ZFHX3: variants seen among roughly 807,000 people sequenced by gnomAD.
ZFHX3 encodes the protein zinc finger homeobox 3.
In ZFHX3, 42 loss-of-function variants were observed where a neutral mutation model predicts 279.1. The observed-to-expected ratio is 0.15, with a 90% CI of 0.12 to 0.19. The LOEUF is 0.19. ZFHX3 is among the 10% of genes least tolerant of loss of function. The pLI is 1.00. For synonymous variants in ZFHX3, 2,293 were observed against 1,957.8 expected (o/e 1.17, Z -4.52); for missense variants, 4,981 against 4,754.0 (o/e 1.05, Z -1.40).
chr16:73,270,858 A>C, intron 4 of ZFHX3, among the ~76,000 whole-genome samples: 1 of 151,960 alleles, frequency 6.6e-6, no homozygotes, highest in East Asian at 1.9e-4. Flanking sequence ...AGAGTGTTCT[A>C]GGTATGGAGG....
At chr16:73,591,085 C>T (rs1455320374) in intron 2 of ZFHX3, among the ~76,000 whole-genome samples, 1 of 152,102 alleles carries the variant, frequency 6.6e-6, no homozygotes, top group African/African-American at 2.4e-5. Flanking sequence ...CAAGTGTGTG[C>T]CTCATGCCCG....
chr16:73,629,428 A>G (rs1284877368), intron 2 of ZFHX3, among the ~76,000 whole-genome samples: 1 of 152,116 alleles, frequency 6.6e-6, no homozygotes, highest in Non-Finnish European at 1.5e-5. Context: ...TATGATTCAT[A>G]TTACAAGCAA....
chr16:73,816,570 T>C (rs1960577828), intron 1 of ZFHX3, among the ~76,000 whole-genome samples: 1 of 152,168 alleles, frequency 6.6e-6, no homozygotes, highest in Non-Finnish European at 1.5e-5. Flanking sequence ...CTATCTGGCC[T>C]TGTACAGAAA....
intron 1 of ZFHX3, among the ~76,000 whole-genome samples, chr16:73,037,270 T>C (rs1423105803): frequency 6.6e-6 from 1 of 152,206 alleles, no homozygotes; most frequent in African/African-American, 2.4e-5. Flanking sequence ...TTCAAATGCA[T>C]CCATGAAATT....
chr16:73,572,475 G>T (rs1170091949), intron 2 of ZFHX3, among the ~76,000 whole-genome samples: 2 of 152,194 alleles, frequency 1.3e-5, no homozygotes, highest in African/African-American at 2.4e-5. Flanking sequence ...TTCAACCTGA[G>T]CACTTTTTAG....
chr16:73,175,452 A>C (rs1430137218), intron 5 of ZFHX3, among the ~76,000 whole-genome samples: 1 of 152,126 alleles, frequency 6.6e-6, no homozygotes, highest in Non-Finnish European at 1.5e-5. Flanking sequence ...GTCTTGAGCC[A>C]TCTCCCCTTC....
At chr16:73,056,369 T>C (rs527910543) in intron 1 of ZFHX3, among the ~76,000 whole-genome samples, 1 of 151,916 alleles carries the variant, frequency 6.6e-6, no homozygotes, top group Non-Finnish European at 1.5e-5. Context: ...CTAATATACC[T>C]GCACTAGTTA....
intron 3 of ZFHX3, among the ~76,000 whole-genome samples, chr16:72,939,015 A>AGTGAGGAAAT (rs11283418): frequency 0.3 from 45,338 of 152,018 alleles, 7,132 homozygotes; most frequent in African/African-American, 0.36. Context: ...TGTCTAGGAC[A>AGTGAGGAAAT]CATAGCCCTG....
chr16:72,912,599 T>C (rs2144193545), intron 3 of ZFHX3, among the ~76,000 whole-genome samples: 1 of 152,140 alleles, frequency 6.6e-6, no homozygotes, highest in African/African-American at 2.4e-5. Flanking sequence ...CACTTAGAGG[T>C]CTGGGAGAAA....
intron 8 of ZFHX3, among the ~76,000 whole-genome samples, chr16:73,065,571 GT>G (rs1965739019): frequency 6.6e-4 from 2 of 3,040 alleles, no homozygotes; most frequent in Admixed American, 5.6e-3. Flanking sequence ...TTCCTGGTGT[GT>G]GTGTGTGTGT....
intron 2 of ZFHX3, among the ~76,000 whole-genome samples, chr16:73,583,414 G>C (rs994098214): frequency 3.3e-5 from 5 of 152,168 alleles, no homozygotes; most frequent in African/African-American, 4.8e-5. Context: ...AGTAAGAATA[G>C]GGCATGCATT....
chr16:73,221,505 A>T (rs1406882137), intron 5 of ZFHX3, among the ~76,000 whole-genome samples: 2 of 152,138 alleles, frequency 1.3e-5, no homozygotes, highest in East Asian at 3.8e-4. Context: ...CATTGGGTAC[A>T]GTGTACACAG....
intron 1 of ZFHX3, among the ~76,000 whole-genome samples, chr16:73,805,982 T>A (rs328382): frequency 0.046 from 6,994 of 152,246 alleles, 511 homozygotes; most frequent in African/African-American, 0.15. Flanking sequence ...AAAAGAGATT[T>A]AATTGACTCA....
chr16:73,359,356 G>A (rs2016397547), intron 3 of ZFHX3, among the ~76,000 whole-genome samples: 1 of 152,188 alleles, frequency 6.6e-6, no homozygotes, highest in Admixed American at 6.5e-5. Context: ...AAGAGGGCAA[G>A]AGGCTTGGCT....
intron 4 of ZFHX3, among the ~76,000 whole-genome samples, chr16:72,870,900 A>G (rs1052337378): frequency 3.3e-5 from 5 of 152,080 alleles, no homozygotes; most frequent in Non-Finnish European, 4.4e-5. Flanking sequence ...GTTATGTAAA[A>G]TATCTTTGTT....
At position 73,168,786 on chromosome 16, in the gene ZFHX3, C is replaced by T. The variant is rs117275099; in HGVS notation, c.-1103-24955G>A. Among the ~76,000 whole-genome samples, 1,433 of 152,270 alleles carry T rather than the reference C, an allele frequency of 9.4e-3. 15 individuals are homozygous for T. Among genetic ancestry groups the T allele is most frequent in the Middle Eastern group, 0.02 (6 of 294 alleles). ...ATCTCAGGATCTCCAGCTAGCTGCC[C>T]TCTGGGTTTCAGCAATACCGACCGT... On this transcript the variant is annotated intron_variant, in intron 5 of 17. Coordinates refer to the ZFHX3 transcript ENST00000641206.
At chr16:73,000,414 G>A (rs1475470280) in intron 1 of ZFHX3, among the ~76,000 whole-genome samples, 1 of 152,212 alleles carries the variant, frequency 6.6e-6, no homozygotes, top group African/African-American at 2.4e-5. Context: ...GGAGGACTCT[G>A]CTTTCCATTT....
intron 2 of ZFHX3, among the ~76,000 whole-genome samples, chr16:73,459,426 T>C (rs1451492232): frequency 6.6e-6 from 1 of 152,144 alleles, no homozygotes; most frequent in African/African-American, 2.4e-5. Context: ...GCAGTAGCAC[T>C]ATCTTGGCTG....
intron 5 of ZFHX3, among the ~76,000 whole-genome samples, chr16:73,226,296 G>T (rs568609570): frequency 1.3e-5 from 2 of 152,334 alleles, no homozygotes; most frequent in Non-Finnish European, 2.9e-5. Flanking sequence ...CCTGCAATAA[G>T]ACAGCGCGGA....
Sources: allele counts gnomAD v4.1 joint callset (sites outside exome capture counted in the v4.1 genomes callset), GRCh38; gene constraint gnomAD v4.1.1; transcripts MANE v1.5; gene names NCBI Gene and HGNC (gene_info 2026-07-23, HGNC 2026-07-21).